Variants in MMP26 observed in about 807,000 individuals in gnomAD.
MMP26 encodes the protein matrix metalloproteinase-26.
Under a neutral mutation model 31.0 loss-of-function variants are expected in MMP26, and 33 were observed. The ratio of observed to expected loss-of-function variants is 1.06; its 90% CI spans 0.81 to 1.42. The LOEUF (loss-of-function observed/expected upper bound fraction) is 1.42, where lower values mean the gene tolerates loss of function less well. Among genes scored for constraint, MMP26 ranks in the 40% most tolerant of loss-of-function variants. The pLI is 0.00. For synonymous variants in MMP26, 122 were observed against 114.9 expected (o/e 1.06, Z -0.40); for missense variants, 347 against 316.1 (o/e 1.10, Z -0.74).
chr11:4,816,059 G>A (rs561974163), intron 2 of MMP26, among the ~76,000 whole-genome samples: 1 of 152,230 alleles, frequency 6.6e-6, no homozygotes, highest in South Asian at 2.1e-4. Context: ...ATAGGTATTT[G>A]TATATTGTAC....
At chr11:4,749,896 A>G (rs1005563455) in intron 1 of MMP26, among the ~76,000 whole-genome samples, 4 of 152,324 alleles carry the variant, frequency 2.6e-5, no homozygotes, top group South Asian at 2.1e-4. Flanking sequence ...TAAGACCTCA[A>G]AAGCAAATGC....
intron 2 of MMP26, among the ~76,000 whole-genome samples, chr11:4,818,769 C>T (rs1003308231): frequency 1.9e-4 from 29 of 151,894 alleles, no homozygotes; most frequent in Non-Finnish European, 3.7e-4. Flanking sequence ...TATGTGTTTC[C>T]GGAATAGAGA....
chr11:4,988,243 T>A lies in MMP26; in HGVS notation c.32T>A (p.Phe11Tyr). 1.2e-6 allele frequency: 2 copies of A among 1,614,120 alleles called. No homozygotes were observed. The highest frequency in any genetic ancestry group is 1.7e-6 in the Non-Finnish European group (2 of 1,180,014). Residue 11 changes from phenylalanine to tyrosine, a missense_variant, in exon 3 of 8, where the codon TTC becomes TAC. Physicochemically the swap from Phe to Tyr is conservative, Grantham distance 22 (BLOSUM62 3). Transcript: ENST00000380390. The stretch of plus-strand genomic sequence containing the variant: ...CTCGTCATCTTAAGAGTTACTATCT[T>A]CTTGCCCTGGTGTTTCGCCGTTCCA... MQLVILRVTI[F>Y]LPWCFAVPVP...
At chr11:4,751,346 T>A (rs1848444548) in intron 1 of MMP26, among the ~76,000 whole-genome samples, 1 of 152,132 alleles carries the variant, frequency 6.6e-6, no homozygotes, top group Non-Finnish European at 1.5e-5. Context: ...GCAAAACTGA[T>A]ATGAACAAAG....
At chr11:4,869,053 T>C (rs1330722031) in intron 2 of MMP26, among the ~76,000 whole-genome samples, 2 of 152,258 alleles carry the variant, frequency 1.3e-5, no homozygotes, top group South Asian at 2.1e-4. Flanking sequence ...TTACACCTTA[T>C]ACAAAAATTA....
At chr11:4,966,340 C>T (rs187780889) in intron 2 of MMP26, among the ~76,000 whole-genome samples, 1 of 152,220 alleles carries the variant, frequency 6.6e-6, no homozygotes, top group East Asian at 1.9e-4. Flanking sequence ...GTACTCTGGC[C>T]ACACTGCTCT....
At chr11:4,766,561 G>C (rs917875964) in intron 1 of MMP26, among the ~76,000 whole-genome samples, 1 of 152,132 alleles carries the variant, frequency 6.6e-6, no homozygotes, top group Non-Finnish European at 1.5e-5. Flanking sequence ...TCTGGCTATA[G>C]ATTTTCTGTT....
intron 1 of MMP26, among the ~76,000 whole-genome samples, chr11:4,721,032 A>G (rs1848004620): frequency 6.6e-6 from 1 of 152,220 alleles, no homozygotes; most frequent in Non-Finnish European, 1.5e-5. Flanking sequence ...CATGATAGAC[A>G]TATTTGTCCC....
At chr11:4,978,965 T>C (rs1486191115) in intron 2 of MMP26, among the ~76,000 whole-genome samples, 6 of 152,130 alleles carry the variant, frequency 3.9e-5, no homozygotes, top group Admixed American at 3.9e-4. Flanking sequence ...GTAAGCATGA[T>C]ACATTGAGCT....
chr11:4,741,388 C>T (rs1051331078), intron 1 of MMP26, among the ~76,000 whole-genome samples: 1 of 152,152 alleles, frequency 6.6e-6, no homozygotes, highest in Non-Finnish European at 1.5e-5. Context: ...ATAGCAAAGT[C>T]ATGTAACCAA....
intron 2 of MMP26, among the ~76,000 whole-genome samples, chr11:4,776,741 T>C (rs1048513711): frequency 1.3e-5 from 2 of 152,118 alleles, no homozygotes; most frequent in South Asian, 4.1e-4. Context: ...TATCTTTCTC[T>C]CCTGCTCCAC....
At chr11:4,854,789 T>C (rs560109238) in intron 2 of MMP26, among the ~76,000 whole-genome samples, 1 of 152,278 alleles carries the variant, frequency 6.6e-6, no homozygotes, top group East Asian at 1.9e-4. Flanking sequence ...GACCCTCGAG[T>C]AGCCTAACTG....
chr11:4,842,891 G>A (rs1849815377), intron 2 of MMP26, among the ~76,000 whole-genome samples: 1 of 152,196 alleles, frequency 6.6e-6, no homozygotes, highest in Non-Finnish European at 1.5e-5. Context: ...TGGGGGTACA[G>A]GCATTGGGTA....
chr11:4,831,088 G>A (rs1465115886), intron 2 of MMP26, among the ~76,000 whole-genome samples: 3 of 152,182 alleles, frequency 2.0e-5, no homozygotes, highest in Non-Finnish European at 4.4e-5. Flanking sequence ...AGCATACAGA[G>A]TAGCTGCTAG....
rs1227145013 is a variant in MMP26, at chr11:4,706,602, CAGAA to C, written c.-217+1575_-217+1578del. ...CAAAAAAAAAAAAAAAAAAAAAAGACAGAAAGAAAGAAAGAAAGAAAAGAACACT... is the reference window on the plus strand; with the variant it reads ...CAAAAAAAAAAAAAAAAAAAAAAGACAGAAAGAAAGAAAGAAAAGAACACT... On this transcript the variant is annotated intron_variant, in intron 1 of 7. Transcript: ENST00000380390. 4.5e-4 allele frequency among the ~76,000 whole-genome samples: 49 copies of C among 109,114 alleles called. No individual in the cohort carries two copies. In the South Asian group the frequency reaches 5.4e-3, roughly 12 times the overall value. 71.6% of individuals were successfully genotyped at this position (109,114 alleles called of 152,430 possible).
chr11:4,845,237 A>G (rs893336813), intron 2 of MMP26, among the ~76,000 whole-genome samples: 2 of 152,138 alleles, frequency 1.3e-5, no homozygotes, highest in African/African-American at 4.8e-5. Flanking sequence ...ACTATAAAAC[A>G]CGGATGAAAG....
At chr11:4,784,382 C>A (rs1460468858) in intron 2 of MMP26, among the ~76,000 whole-genome samples, 19 of 152,136 alleles carry the variant, frequency 1.2e-4, no homozygotes, top group Admixed American at 1.2e-3. Context: ...AAAAGCTATG[C>A]CCAAGTTGTA....
chr11:4,896,699 T>A (rs1850708859), intron 2 of MMP26, among the ~76,000 whole-genome samples: 1 of 152,180 alleles, frequency 6.6e-6, no homozygotes, highest in African/African-American at 2.4e-5. Flanking sequence ...TTTTTATGAA[T>A]AAAATATAAT....
chr11:4,797,612 T>G (rs957894954), intron 2 of MMP26, among the ~76,000 whole-genome samples: 6 of 152,204 alleles, frequency 3.9e-5, no homozygotes, highest in Non-Finnish European at 8.8e-5. Context: ...ATCCTTTCCC[T>G]AACCCCTCCC....
Sources: allele counts gnomAD v4.1 joint callset (sites outside exome capture counted in the v4.1 genomes callset), GRCh38; gene constraint gnomAD v4.1.1; transcripts MANE v1.5; gene names NCBI Gene and HGNC (gene_info 2026-07-23, HGNC 2026-07-21).